CAMKK1: variants seen among roughly 807,000 people sequenced by gnomAD.
CAMKK1 encodes calcium/calmodulin-dependent protein kinase kinase 1.
CAMKK1 carries 20 observed loss-of-function variants against 63.5 expected under a neutral mutation model. The observed-to-expected ratio is 0.32, with a 90% CI of 0.22 to 0.46. The LOEUF (loss-of-function observed/expected upper bound fraction) is 0.46, where lower values mean the gene tolerates loss of function less well. Ranked by LOEUF, CAMKK1 falls within the 20% of genes least tolerant of loss-of-function variation. The probability of loss-of-function intolerance (pLI) is 1.00; values close to 1 mark genes in which losing one functional copy is unlikely to be tolerated. For missense variants in CAMKK1, 588 were observed against 658.1 expected, an observed-to-expected ratio of 0.89 and a Z score of 1.17; for synonymous variants, 253 against 269.0, an observed-to-expected ratio of 0.94 and a Z score of 0.58.
rs934071741 is a variant in CAMKK1, at chr17:3,873,454, A to G, written c.1005T>C (p.Asp335=). Residue 335 remains aspartate, a synonymous_variant, in exon 11 of 16, where the codon GAT becomes GAC. Coordinates refer to ENST00000348335, the MANE Select transcript of CAMKK1 (RefSeq NM_032294.3). ...ACAACGTGACGCCAGTGGCCCATAC[A>G]TCCAAGGCCTGGAAAGAAACATGCT... ...SGQSFSGKAL[D]VWATGVTLYC... 2 of 1,614,058 alleles carry G rather than the reference A, an allele frequency of 1.2e-6. No individual in the cohort carries two copies. Among genetic ancestry groups the G allele is most frequent in the African/African-American group, 1.3e-5 (1 of 75,010 alleles).
chr17:3,862,733 G>A lies in CAMKK1; in HGVS notation c.1446-450C>T, dbSNP rs1003288290. Among the ~76,000 whole-genome samples, 28 of 152,208 alleles carry A rather than the reference G, an allele frequency of 1.8e-4. No individual in the cohort carries two copies. Among genetic ancestry groups the A allele is most frequent in the Admixed American group, 6.5e-5 (1 of 15,274 alleles). ...CAACCTCTGCCTTCCAGGCTCAAGC[G>A]ATCCTCCCACCTCAGCCTCCTGAGT... is the stretch of plus-strand genomic sequence containing the variant. On this transcript the variant is annotated intron_variant, in intron 15 of 15. Coordinates refer to ENST00000348335, the MANE Select transcript of CAMKK1 (RefSeq NM_032294.3). The surrounding 1 kb of genome is among the most constrained non-coding windows in gnomAD (Gnocchi z 4.1).
chr17:3,877,497 C>T (rs559826439), intron 9 of CAMKK1, among the ~76,000 whole-genome samples: 5 of 152,146 alleles, frequency 3.3e-5, no homozygotes, highest in Non-Finnish European at 5.9e-5. Flanking sequence ...CCCCATCCCG[C>T]GACCATCGAC....
Position 3,884,270 on chromosome 17 carries a change from A to T in CAMKK1, c.408+110T>A. ...AGGGCACGAAACTGTCCTCACCTCC[A>T]GGCTAGGACTTGCCTGGCTCTGCCT... On this transcript the variant is annotated intron_variant, in intron 3 of 15. Transcript: ENST00000348335. This position sits in a 1 kb window ranked among gnomAD's most constrained non-coding sequence, Gnocchi z 4.5. 8.2e-7 allele frequency: 1 copy of T among 1,222,472 alleles called. No individual in the cohort carries two copies. Among genetic ancestry groups the T allele is most frequent in the South Asian group, 1.3e-5 (1 of 78,476 alleles). 75.7% of individuals were successfully genotyped at this position (1,222,472 alleles called of 1,614,324 possible).
rs2054349742 is a variant in CAMKK1, at chr17:3,862,179, G to C, written c.*32C>G. ...GCCTCTGGAGGCGCGGGATGAGTGT[G>C]CTGCCGGGTGGCCCTGGGTGCATGC... On this transcript the variant is annotated 3_prime_UTR_variant, in exon 16 of 16. Transcript: ENST00000348335. This position sits in a 1 kb window ranked among gnomAD's most constrained non-coding sequence, Gnocchi z 4.1. 1 of 1,552,416 alleles carries C rather than the reference G, an allele frequency of 6.4e-7. No homozygotes were observed. Among genetic ancestry groups the C allele is most frequent in the East Asian group, 2.4e-5 (1 of 41,820 alleles).
Position 3,887,645 on chromosome 17 carries a change from T to C in CAMKK1, c.-43-1915A>G, listed in dbSNP as rs2055711755. Among the ~76,000 whole-genome samples the C allele has an allele frequency of 7.1e-6, 1 of 140,244 alleles. No homozygotes were observed. Among genetic ancestry groups the C allele is most frequent in the African/African-American group, 2.7e-5 (1 of 36,548 alleles). 92.0% of individuals were successfully genotyped at this position (140,244 alleles called of 152,430 possible). On this transcript the variant is annotated intron_variant, in intron 1 of 15. Coordinates refer to ENST00000348335, the MANE Select transcript of CAMKK1 (RefSeq NM_032294.3). This position sits in a 1 kb window ranked among gnomAD's most constrained non-coding sequence, Gnocchi z 6.1. ...CACAGGGAGGCCTCCCTGGAGGAGGTGAGAGAGGACAGAGAGTGGGGCTGT... is the reference window on the plus strand; with the variant it reads ...CACAGGGAGGCCTCCCTGGAGGAGGCGAGAGAGGACAGAGAGTGGGGCTGT...
rs567302111 is a variant in CAMKK1 at position 3,890,554 on chromosome 17, G to A, written c.-44+2385C>T. The A allele has an allele frequency of 5.6e-4, 410 of 738,114 alleles. 1 individual carries two copies. Among genetic ancestry groups the A allele is most frequent in the African/African-American group, 1.2e-3 (73 of 58,552 alleles). 45.7% of individuals were successfully genotyped at this position (738,114 alleles called of 1,614,324 possible). Reference sequence around the variant, plus strand: ...CTCAGCATCTTCCCCAAACCTGCTCGTCCTCCTCTGTCTCCATTGCGAGAC... The same window carrying A: ...CTCAGCATCTTCCCCAAACCTGCTCATCCTCCTCTGTCTCCATTGCGAGAC... On this transcript the variant is annotated intron_variant, in intron 1 of 15. Transcript: ENST00000348335. The surrounding 1 kb of genome is among the most constrained non-coding windows in gnomAD (Gnocchi z 6.5).
intron 15 of CAMKK1, chr17:3,865,308 G>T: frequency 1.0e-6 from 1 of 987,050 alleles, no homozygotes; most frequent in South Asian, 4.7e-5. Context: ...GCCAATGCGG[G>T]TTCCTCTCCC....
rs889220703 is a variant in CAMKK1 at position 3,882,645 on chromosome 17, C to A, written c.649-81G>T. Reference sequence around the variant, plus strand: ...TCCCAGGCCTCCTGGTCCTTGCCAGCCCCAGAACCCTTAGTATGCATGCAA... The same window carrying A: ...TCCCAGGCCTCCTGGTCCTTGCCAGACCCAGAACCCTTAGTATGCATGCAA... On this transcript the variant is annotated intron_variant, in intron 6 of 15. Transcript: ENST00000348335. This position sits in a 1 kb window ranked among gnomAD's most constrained non-coding sequence, Gnocchi z 4.3. The A allele has an allele frequency of 1.5e-4, 196 of 1,338,434 alleles. No homozygotes were observed. The African/African-American group carries it at 2.6e-3, about 18-fold the overall frequency. 82.9% of individuals were successfully genotyped at this position (1,338,434 alleles called of 1,614,324 possible). A position where few individuals can be genotyped will look rare whatever the true frequency, so the allele number is the denominator to read the frequency against.
intron 1 of CAMKK1, among the ~76,000 whole-genome samples, chr17:3,886,430 G>A (rs1323651991): frequency 3.3e-5 from 5 of 152,154 alleles, no homozygotes; most frequent in African/African-American, 9.7e-5. Context: ...TCAGAAGTTC[G>A]AGACTAGCCT....
chr17:3,865,522 T>C lies in CAMKK1; in HGVS notation c.1445+386A>G. On this transcript the variant is annotated intron_variant, in intron 15 of 15. Coordinates refer to ENST00000348335, the MANE Select transcript of CAMKK1 (RefSeq NM_032294.3). ...TACAGGAAGCCAACATCAGCCTGTC[T>C]GCAAACCTCTGCCAGGCTGCCAAGG... The C allele has an allele frequency of 2.9e-6, 3 of 1,033,374 alleles. No homozygotes were observed. In the South Asian group the frequency reaches 1.2e-4, roughly 40 times the overall value. The allele number at this position is 1,033,374 out of a possible 1,614,324, so 64.0% of individuals were successfully genotyped here.
Position 3,883,947 on chromosome 17 carries a change from G to A in CAMKK1, c.409-10C>T, listed in dbSNP as rs1235163010. The A allele has an allele frequency of 6.2e-7, 1 of 1,613,334 alleles. No homozygotes were observed. Among genetic ancestry groups the A allele is most frequent in the Non-Finnish European group, 8.5e-7 (1 of 1,179,908 alleles). On this transcript the variant is annotated splice_polypyrimidine_tract_variant and intron_variant, in intron 3 of 15. Transcript: ENST00000348335. This position sits in a 1 kb window ranked among gnomAD's most constrained non-coding sequence, Gnocchi z 4.7. ...CCACACCGTAGGCACCCTGCAGATA[G>A]GCATCAGTCAGCCCCACCTGGACAG...
In CAMKK1 at chr17:3,883,361, C is replaced by A; in HGVS notation, c.514+68G>T. 1 of 1,528,860 alleles carries A rather than the reference C, an allele frequency of 6.5e-7. No individual in the cohort carries two copies. The highest frequency in any genetic ancestry group is 9.1e-7 in the Non-Finnish European group (1 of 1,102,970). 94.7% of individuals were successfully genotyped at this position (1,528,860 alleles called of 1,614,324 possible). On this transcript the variant is annotated intron_variant, in intron 5 of 15. Coordinates refer to ENST00000348335, the MANE Select transcript of CAMKK1 (RefSeq NM_032294.3). This position sits in a 1 kb window ranked among gnomAD's most constrained non-coding sequence, Gnocchi z 4.7. ...ACCCCATTCCTAGCCAAAACTAGCTCAGGATCGAGGTCTCCTCCTCTGCCT... is the reference window on the plus strand; with the variant it reads ...ACCCCATTCCTAGCCAAAACTAGCTAAGGATCGAGGTCTCCTCCTCTGCCT...
At chr17:3,881,500 CCT>C in intron 8 of CAMKK1, 125 bp downstream of exon 8, 1 of 867,722 alleles carries the variant, frequency 1.2e-6, no homozygotes, top group Non-Finnish European at 1.8e-6. Flanking sequence ...CTTATTTACC[CCT>C]AAGGGCAGGG....
At position 3,861,896 on chromosome 17, in the gene CAMKK1, C is replaced by A; in HGVS notation, c.*315G>T. On this transcript the variant is annotated 3_prime_UTR_variant, in exon 16 of 16. Coordinates refer to ENST00000348335, the MANE Select transcript of CAMKK1 (RefSeq NM_032294.3). ...CCTGCCTCTGCCTCCTGCCCCAGGCCATGCCAACCAGCCGGGTGGCATTTC... is the reference window on the plus strand; with the variant it reads ...CCTGCCTCTGCCTCCTGCCCCAGGCAATGCCAACCAGCCGGGTGGCATTTC... 1 of 404,312 alleles carries A rather than the reference C, an allele frequency of 2.5e-6. No homozygotes were observed. The highest frequency in any genetic ancestry group is 4.6e-6 in the Non-Finnish European group (1 of 217,834). The allele number at this position is 404,312 out of a possible 1,614,324, so 25.0% of individuals were successfully genotyped here. A position where few individuals can be genotyped will look rare whatever the true frequency, so the allele number is the denominator to read the frequency against.
intron 12 of CAMKK1, among the ~76,000 whole-genome samples, chr17:3,870,940 A>G (rs981644852): frequency 6.6e-6 from 1 of 152,104 alleles, no homozygotes; most frequent in African/African-American, 2.4e-5. Context: ...GTGCTCGGGA[A>G]AGGGAGTGAG....
intron 15 of CAMKK1, among the ~76,000 whole-genome samples, chr17:3,863,341 C>G (rs920838242): frequency 6.6e-6 from 1 of 151,808 alleles, no homozygotes; most frequent in Non-Finnish European, 1.5e-5. Context: ...AATAAAAATA[C>G]AAAAATTAGC....
intron 14 of CAMKK1, among the ~76,000 whole-genome samples, chr17:3,868,527 G>A (rs564973548): frequency 1.3e-3 from 203 of 152,360 alleles, no homozygotes; most frequent in Middle Eastern, 6.8e-3. Flanking sequence ...TGCCCAGGCC[G>A]TTCCCCTGCC....
At chr17:3,881,454 C>A (rs970587554) in intron 8 of CAMKK1, among the ~76,000 whole-genome samples, 173 bp downstream of exon 8, 1 of 152,206 alleles carries the variant, frequency 6.6e-6, no homozygotes, top group Non-Finnish European at 1.5e-5. Flanking sequence ...GCCTCACTGA[C>A]CCCCATCAGC....
Position 3,869,530 on chromosome 17 carries a change from T to C in CAMKK1, c.1298A>G (p.Glu433Gly). The change falls in exon 14 of 16, where the codon GAG becomes GGG. Residue 433 changes from glutamate to glycine, a missense_variant. Coordinates refer to ENST00000348335, the MANE Select transcript of CAMKK1 (RefSeq NM_032294.3). ...HCSVVEVTEE[E>G]VKNSVRLIPS... ...GATGAGCCTGACTGAGTTCTTAACC[T>C]CCTCCTCTGTCACCTCCACCACGCT... 6.2e-7 allele frequency: 1 copy of C among 1,614,124 alleles called. No homozygotes were observed. The highest frequency in any genetic ancestry group is 8.5e-7 in the Non-Finnish European group (1 of 1,180,016).
Sources: allele counts gnomAD v4.1 joint callset (sites outside exome capture counted in the v4.1 genomes callset), GRCh38; gene constraint gnomAD v4.1.1; non-coding constraint Gnocchi (gnomAD v3.1); transcripts MANE v1.5; gene names NCBI Gene and HGNC (gene_info 2026-07-23, HGNC 2026-07-21).